RARB: variants seen among roughly 807,000 people sequenced by gnomAD.
RARB encodes retinoic acid receptor beta, also known as HBV-activated protein.
RARB carries 17 observed loss-of-function variants against 51.9 expected under a neutral mutation model. The ratio of observed to expected loss-of-function variants is 0.33; its 90% CI spans 0.22 to 0.49. RARB has a LOEUF of 0.49. Among genes scored for constraint, RARB ranks in the 20% least tolerant of loss-of-function variants. The pLI, the probability that RARB is intolerant of heterozygous loss-of-function variation, is 0.99. For synonymous variants in RARB, 215 were observed against 195.4 expected, an observed-to-expected ratio of 1.10 and a Z score of -0.84; for missense variants, 369 against 550.8, an observed-to-expected ratio of 0.67 and a Z score of 3.30.
intron 5 of RARB, among the ~76,000 whole-genome samples, chr3:25,315,748 G>A (rs1704406815): frequency 1.3e-5 from 2 of 151,972 alleles, no homozygotes. Flanking sequence ...AGAGTAGCTG[G>A]AATTACAGGC....
At chr3:24,866,175 C>T (rs1575043218) in intron 2 of RARB, among the ~76,000 whole-genome samples, 1 of 152,096 alleles carries the variant, frequency 6.6e-6, no homozygotes, top group Non-Finnish European at 1.5e-5. Flanking sequence ...GCCAACCTCT[C>T]ATTTCATCTC....
At chr3:25,009,334 C>T (rs1180679535) in intron 2 of RARB, among the ~76,000 whole-genome samples, 3 of 152,120 alleles carry the variant, frequency 2.0e-5, no homozygotes, top group African/African-American at 7.2e-5. Flanking sequence ...TAAAGGTAAT[C>T]ATACATGTCA....
chr3:25,128,093 CT>C (rs1699890199), intron 3 of RARB, among the ~76,000 whole-genome samples: 1 of 152,012 alleles, frequency 6.6e-6, no homozygotes, highest in Admixed American at 6.6e-5. Context: ...GAATAAAGTA[CT>C]CTGGTTCACT....
intron 5 of RARB, among the ~76,000 whole-genome samples, chr3:25,397,202 T>C (rs979472462): frequency 2.0e-5 from 3 of 152,200 alleles, no homozygotes; most frequent in Admixed American, 1.3e-4. Flanking sequence ...CCCTGGGGAC[T>C]GTGTGCCCAC....
chr3:25,571,542 A>G (rs1657363287), intron 4 of RARB, among the ~76,000 whole-genome samples: 1 of 152,222 alleles, frequency 6.6e-6, no homozygotes, highest in African/African-American at 2.4e-5. Context: ...TTTGGGGAAC[A>G]CTGTCCCATC....
At chr3:25,300,281 T>C (rs1054879882) in intron 5 of RARB, among the ~76,000 whole-genome samples, 3 of 152,178 alleles carry the variant, frequency 2.0e-5, no homozygotes, top group Non-Finnish European at 4.4e-5. Flanking sequence ...GAAAAATGAG[T>C]AAGATGCTGT....
chr3:25,277,970 CTT>C (rs1397334829), intron 5 of RARB, among the ~76,000 whole-genome samples: 1 of 152,178 alleles, frequency 6.6e-6, no homozygotes, highest in Non-Finnish European at 1.5e-5. Flanking sequence ...TATTTTCTCT[CTT>C]GTGTCTTCTT....
At chr3:24,963,423 G>A (rs1168578721) in intron 2 of RARB, among the ~76,000 whole-genome samples, 6 of 142,800 alleles carry the variant, frequency 4.2e-5, no homozygotes, top group Non-Finnish European at 9.3e-5. Context: ...CATCCTTGTT[G>A]TCACGCTCAT....
chr3:25,497,643 A>G (rs144398164), intron 2 of RARB, among the ~76,000 whole-genome samples: 235 of 152,298 alleles, frequency 1.5e-3, no homozygotes, highest in African/African-American at 5.5e-3. Flanking sequence ...GACTTGCTCA[A>G]GTCCTCTCAG....
intron 2 of RARB, among the ~76,000 whole-genome samples, chr3:24,939,321 C>T (rs1485756967): frequency 6.6e-6 from 1 of 152,208 alleles, no homozygotes; most frequent in Non-Finnish European, 1.5e-5. Flanking sequence ...TCAATTCTTT[C>T]TAGCATATCT....
At chr3:25,540,731 G>C (rs1433016636) in intron 3 of RARB, among the ~76,000 whole-genome samples, 1 of 152,210 alleles carries the variant, frequency 6.6e-6, no homozygotes, top group Non-Finnish European at 1.5e-5. Flanking sequence ...GGAGGAGTGA[G>C]AGAGAGATCA....
At chr3:24,894,837 A>G (rs1055176599) in intron 2 of RARB, among the ~76,000 whole-genome samples, 7 of 152,232 alleles carry the variant, frequency 4.6e-5, no homozygotes, top group Admixed American at 3.9e-4. Context: ...CATGGAGACC[A>G]TTATCCAATG....
intron 2 of RARB, among the ~76,000 whole-genome samples, chr3:24,908,115 G>T (rs1363349471): frequency 1.3e-5 from 2 of 152,104 alleles, no homozygotes; most frequent in African/African-American, 4.8e-5. Context: ...CATTATATCT[G>T]TATAGTAGTA....
At chr3:25,366,164 C>T (rs1042330632) in intron 5 of RARB, among the ~76,000 whole-genome samples, 1 of 152,154 alleles carries the variant, frequency 6.6e-6, no homozygotes, top group Non-Finnish European at 1.5e-5. Context: ...TTCTTCAGTA[C>T]CTGTTACAGC....
At chr3:25,345,375 C>T (rs114591161) in intron 5 of RARB, among the ~76,000 whole-genome samples, 2 of 152,000 alleles carry the variant, frequency 1.3e-5, no homozygotes, top group African/African-American at 4.8e-5. Context: ...AAACTATAAG[C>T]AATTCATCTG....
intron 3 of RARB, among the ~76,000 whole-genome samples, chr3:25,117,148 A>G (rs189731545): frequency 2.4e-4 from 37 of 152,296 alleles, no homozygotes; most frequent in Admixed American, 1.6e-3. Context: ...ATACAGCAAT[A>G]AACAGGGCAG....
intron 2 of RARB, among the ~76,000 whole-genome samples, chr3:25,485,106 G>T (rs1390617124): frequency 2.0e-5 from 3 of 152,062 alleles, no homozygotes; most frequent in Admixed American, 6.5e-5. Flanking sequence ...TTCTTTTACT[G>T]TCAAATTAAA....
chr3:25,174,540 C>T (rs767064867), exon 5 of RARB: 3 of 1,351,994 alleles, frequency 2.2e-6, no homozygotes, highest in African/African-American at 1.5e-5. Context: ...CATGGACATC[C>T]GCCTCCGAGT....
chr3:25,339,485 C>A (rs1321318735), intron 5 of RARB, among the ~76,000 whole-genome samples: 3 of 152,040 alleles, frequency 2.0e-5, no homozygotes, highest in Non-Finnish European at 4.4e-5. Context: ...CACGTGGCTG[C>A]GCGGGAGTCT....
Sources: gnomAD v4.1 joint callset for allele counts (sites outside exome capture counted in the v4.1 genomes callset) on GRCh38, gnomAD v4.1.1 for gene constraint, MANE v1.5 for transcripts, NCBI Gene and HGNC (gene_info 2026-07-23, HGNC 2026-07-21) for gene names.